RELN: variants seen among roughly 807,000 people sequenced by gnomAD.
RELN encodes reelin.
In RELN, 108 loss-of-function variants were observed where a neutral mutation model predicts 427.6. That is an observed-to-expected ratio of 0.25 (90% CI 0.22 to 0.30). RELN has a LOEUF of 0.30. Among genes scored for constraint, RELN ranks in the 10% least tolerant of loss-of-function variants. The pLI is 1.00. For missense variants in RELN, 3,715 were observed against 4,302.8 expected (o/e 0.86, Z 3.82); for synonymous variants, 1,524 against 1,513.4 (o/e 1.01, Z -0.16).
intron 2 of RELN, among the ~76,000 whole-genome samples, chr7:103,849,596 T>G (rs1793768189): frequency 6.6e-6 from 1 of 152,198 alleles, no homozygotes; most frequent in South Asian, 2.1e-4. Context: ...TTCTTCAAAC[T>G]TCATACTCTG....
At chr7:103,728,329 T>G (rs1176851615) in intron 6 of RELN, 122 bp from the exon 7 acceptor site, 3 of 921,340 alleles carry the variant, frequency 3.3e-6, no homozygotes, top group Non-Finnish European at 5.2e-6. Flanking sequence ...TTGAGGAAAG[T>G]AGGAGTATTT....
At chr7:103,524,837 T>C (rs1454020185) in intron 46 of RELN, among the ~76,000 whole-genome samples, 2 of 152,196 alleles carry the variant, frequency 1.3e-5, no homozygotes, top group South Asian at 2.1e-4. Context: ...GGTTTCTCCA[T>C]AATTTTGCTT....
chr7:103,498,263 A>G lies in RELN; in HGVS notation c.8668-11T>C. 6.2e-7 allele frequency: 1 copy of G among 1,612,148 alleles called. No homozygotes were observed. Among genetic ancestry groups the G allele is most frequent in the Non-Finnish European group, 8.5e-7 (1 of 1,178,596 alleles). ...TTCCTTCAGGAAAGTCTGGAAATAA[A>G]ATAAGCCAGATGTGGTTAAAAAAAC... On this transcript the variant is annotated splice_polypyrimidine_tract_variant and intron_variant, in intron 53 of 64. Transcript: ENST00000428762.
intron 28 of RELN, among the ~76,000 whole-genome samples, chr7:103,589,330 AG>A (rs1337094006): frequency 6.6e-6 from 1 of 152,260 alleles, no homozygotes; most frequent in Non-Finnish European, 1.5e-5. Context: ...ATAAATGTTA[AG>A]CCATTGCAAC....
At chr7:103,731,734 G>A (rs1790360210) in intron 6 of RELN, among the ~76,000 whole-genome samples, 1 of 152,090 alleles carries the variant, frequency 6.6e-6, no homozygotes, top group Admixed American at 6.6e-5. Flanking sequence ...TTGAAATAAG[G>A]TGGGATGGAG....
chr7:103,715,302 T>C (rs1340821975), intron 8 of RELN, among the ~76,000 whole-genome samples: 1 of 152,222 alleles, frequency 6.6e-6, no homozygotes, highest in Admixed American at 6.5e-5. Flanking sequence ...GTACTTGAAC[T>C]AAAAACATGC....
chr7:103,528,815 C>T (rs949429917), intron 46 of RELN, among the ~76,000 whole-genome samples: 5 of 151,650 alleles, frequency 3.3e-5, no homozygotes, highest in South Asian at 2.1e-4. Flanking sequence ...AGACATGAGC[C>T]ACTGCACCCA....
rs560547012 is a variant in RELN at position 103,538,268 on chromosome 7, C to A, written c.7180+810G>T. ...CTCAAATTTCTGCCTCCCCTCTACC[C>A]AGAATCTAAAACTGAACGGGGACCT... On this transcript the variant is annotated intron_variant, in intron 45 of 64. Transcript: ENST00000428762. Among the ~76,000 whole-genome samples, 14 of 152,256 alleles carry A rather than the reference C, an allele frequency of 9.2e-5. No individual in the cohort carries two copies. In the South Asian group the frequency reaches 2.9e-3, roughly 32 times the overall value.
intron 2 of RELN, among the ~76,000 whole-genome samples, chr7:103,915,426 G>C (rs1332551027): frequency 3.3e-5 from 5 of 152,024 alleles, no homozygotes; most frequent in African/African-American, 1.2e-4. Context: ...TAGAATAGAA[G>C]TCCTCACACT....
intron 3 of RELN, among the ~76,000 whole-genome samples, chr7:103,807,241 G>A (rs915494069): frequency 6.6e-6 from 1 of 152,084 alleles, no homozygotes; most frequent in African/African-American, 2.4e-5. Flanking sequence ...CAAGAGAGAT[G>A]ACAACAATAT....
rs57019839 is a variant in RELN at position 103,759,990 on chromosome 7, CTTTTTTTTTTTTTTTTTTTTT to C, written c.545-6797_545-6777del. On this transcript the variant is annotated intron_variant, in intron 4 of 64. Coordinates refer to ENST00000428762, the MANE Select transcript of RELN (RefSeq NM_005045.4). ...TCGGTCATTGGTGCTCACAGTCATACTTTTTTTTTTTTTTTTTTTTTTTTTTTTTTTTACATCTTAGCATTT... is the reference window on the plus strand; with the variant it reads ...TCGGTCATTGGTGCTCACAGTCATACTTTTTTTTTTTACATCTTAGCATTT... 5.9e-4 allele frequency among the ~76,000 whole-genome samples: 38 copies of C among 64,934 alleles called. 1 individual carries two copies. The East Asian group carries it at 9.0e-3, about 15-fold the overall frequency. The allele number at this position is 64,934 out of a possible 152,430, so 42.6% of individuals were successfully genotyped here.
At chr7:103,896,179 C>T (rs914669097) in intron 2 of RELN, among the ~76,000 whole-genome samples, 6 of 151,998 alleles carry the variant, frequency 3.9e-5, no homozygotes, top group Non-Finnish European at 7.4e-5. Flanking sequence ...CTGACACCAC[C>T]GAATGCTGAA....
chr7:103,483,107 T>G, intron 62 of RELN, 136 bp from the exon 63 acceptor site: 1 of 748,266 alleles, frequency 1.3e-6, no homozygotes, highest in South Asian at 1.5e-5. Flanking sequence ...CAGATTTGCT[T>G]AGGTCATAGT....
rs773224681 is a variant in RELN at position 103,865,663 on chromosome 7, C to T, written c.338-31991G>A. Among the ~76,000 whole-genome samples the T allele has an allele frequency of 8.6e-5, 13 of 152,036 alleles. 1 individual carries two copies. The highest frequency in any genetic ancestry group is 1.8e-4 in the Non-Finnish European group (12 of 68,000). On this transcript the variant is annotated intron_variant, in intron 2 of 64. Transcript: ENST00000428762. ...AAGGATGAAAATCACGTGATCATCA[C>T]GATAGATGCAGAAAAAGCATGACAA...
intron 2 of RELN, among the ~76,000 whole-genome samples, chr7:103,870,344 G>C (rs7794946): frequency 2.6e-5 from 4 of 151,494 alleles, no homozygotes; most frequent in South Asian, 4.2e-4. Flanking sequence ...ATCTGGTTTC[G>C]GTTTTTTTTT....
intron 6 of RELN, among the ~76,000 whole-genome samples, chr7:103,733,285 A>G (rs1031414485): frequency 4.0e-5 from 6 of 150,916 alleles, no homozygotes; most frequent in Non-Finnish European, 8.9e-5. Context: ...AAAAGTCAGG[A>G]AACAACAGGT....
intron 2 of RELN, among the ~76,000 whole-genome samples, chr7:103,854,649 G>T (rs1489075198): frequency 1.3e-5 from 2 of 152,108 alleles, no homozygotes; most frequent in Non-Finnish European, 2.9e-5. Context: ...TCCTCTTGTG[G>T]TCAGAAAGGA....
intron 3 of RELN, among the ~76,000 whole-genome samples, chr7:103,814,753 C>T (rs1367058985): frequency 1.6e-5 from 2 of 127,674 alleles, no homozygotes; most frequent in African/African-American, 6.1e-5. Context: ...TGGGCTGTCA[C>T]CATGTAGCTC....
chr7:103,653,483 A>G (rs561935954), intron 13 of RELN, among the ~76,000 whole-genome samples: 2 of 152,206 alleles, frequency 1.3e-5, no homozygotes, highest in African/African-American at 4.8e-5. Flanking sequence ...CCATCAGTGC[A>G]AAGAAAAGAC....
Sources: allele counts gnomAD v4.1 joint callset (sites outside exome capture counted in the v4.1 genomes callset), GRCh38; gene constraint gnomAD v4.1.1; transcripts MANE v1.5; gene names NCBI Gene and HGNC (gene_info 2026-07-23, HGNC 2026-07-21).